Variants in RBMS1 observed in about 807,000 individuals in gnomAD.
The protein encoded by RBMS1 is RNA-binding motif, single-stranded-interacting protein 1.
RBMS1 carries 17 observed loss-of-function variants against 62.3 expected under a neutral mutation model. That is an observed-to-expected ratio of 0.27 (90% CI 0.19 to 0.41). The LOEUF (loss-of-function observed/expected upper bound fraction) is 0.41. Ranked by LOEUF, RBMS1 falls within the 10% of genes least tolerant of loss-of-function variation. The probability of loss-of-function intolerance (pLI) is 1.00; values close to 1 mark genes in which losing one functional copy is unlikely to be tolerated. For synonymous variants in RBMS1, 172 were observed against 170.0 expected, an observed-to-expected ratio of 1.01 and a Z score of -0.09; for missense variants, 334 against 504.5, an observed-to-expected ratio of 0.66 and a Z score of 3.24.
chr2:160,465,865 T>C (rs11694637), intron 1 of RBMS1, among the ~76,000 whole-genome samples: 3,259 of 146,604 alleles, frequency 0.022, 62 homozygotes, highest in African/African-American at 0.04. Flanking sequence ...CACACACACA[T>C]ACACACACAC....
At chr2:160,326,669 G>A (rs1487435284) in intron 2 of RBMS1, among the ~76,000 whole-genome samples, 1 of 152,150 alleles carries the variant, frequency 6.6e-6, no homozygotes, top group East Asian at 1.9e-4. Context: ...TTAGCAGAGA[G>A]AGATGCCACA....
At chr2:160,370,074 T>C (rs752279682) in intron 1 of RBMS1, among the ~76,000 whole-genome samples, 2 of 152,104 alleles carry the variant, frequency 1.3e-5, no homozygotes, top group Non-Finnish European at 2.9e-5. Context: ...CTGTTAAGTT[T>C]CCCCTGTGAG....
intron 1 of RBMS1, among the ~76,000 whole-genome samples, chr2:160,439,821 GGCT>G (rs1431794457): frequency 3.9e-5 from 6 of 152,228 alleles, no homozygotes; most frequent in Non-Finnish European, 8.8e-5. Flanking sequence ...GGGAGGCCGA[GGCT>G]GGCGGATCAC....
intron 1 of RBMS1, among the ~76,000 whole-genome samples, chr2:160,431,077 G>A (rs1357742369): frequency 2.7e-5 from 4 of 148,988 alleles, no homozygotes; most frequent in Non-Finnish European, 6.0e-5. Context: ...GGAGTTGTGT[G>A]TGGCAGGAGG....
At chr2:160,393,321 T>C (rs752550168) in intron 1 of RBMS1, among the ~76,000 whole-genome samples, 2 of 152,226 alleles carry the variant, frequency 1.3e-5, no homozygotes, top group East Asian at 1.9e-4. Context: ...TTCTAACTTA[T>C]ATAGTTATTT....
intron 1 of RBMS1, among the ~76,000 whole-genome samples, chr2:160,371,461 C>T (rs1192647695): frequency 1.3e-5 from 2 of 152,212 alleles, no homozygotes; most frequent in Non-Finnish European, 2.9e-5. Flanking sequence ...CTAGTAGTCT[C>T]TCAGCCTTCT....
chr2:160,375,020 T>G (rs1215575690), intron 1 of RBMS1, among the ~76,000 whole-genome samples: 2 of 152,132 alleles, frequency 1.3e-5, no homozygotes, highest in African/African-American at 2.4e-5. Context: ...GGAATGAGTA[T>G]TATCCCTGGA....
At chr2:160,426,214 GACAGA>G (rs1314892487) in intron 1 of RBMS1, among the ~76,000 whole-genome samples, 1 of 112,354 alleles carries the variant, frequency 8.9e-6, no homozygotes, top group Non-Finnish European at 1.9e-5. Context: ...AAGAGAGAGA[GACAGA>G]AGAAAGAAAG....
chr2:160,385,178 T>C (rs1694501782), intron 1 of RBMS1, among the ~76,000 whole-genome samples: 1 of 152,154 alleles, frequency 6.6e-6, no homozygotes, highest in Admixed American at 6.5e-5. Flanking sequence ...TGGATATTTC[T>C]TTATAGAACC....
rs575891894 is a variant in RBMS1 at position 160,407,809 on chromosome 2, C to A, written c.76-40418G>T. The A allele has an allele frequency of 1.2e-5, 12 of 981,188 alleles. No homozygotes were observed. In the African/African-American group the frequency reaches 1.8e-4, roughly 14 times the overall value. The allele number at this position is 981,188 out of a possible 1,614,324, so 60.8% of individuals were successfully genotyped here. ...GCCCTGCGTGCCATGGACGGGAGTT[C>A]GCGCGCGGAGCTGGCGGCGTCGCCG... On this transcript the variant is annotated intron_variant, in intron 1 of 13. Coordinates refer to ENST00000348849, the MANE Select transcript of RBMS1 (RefSeq NM_016836.4).
rs1559621722 is a variant in RBMS1, at chr2:160,493,572, T to TCC, written c.-210_-209insGG. On this transcript the variant is annotated 5_prime_UTR_variant, in exon 1 of 14. Coordinates refer to ENST00000348849, the MANE Select transcript of RBMS1 (RefSeq NM_016836.4). ...CCTCCTCCTCCTCCTCCTCCTCCTC[T>TCC]TCCTCCTCCTCCTCCTCCTCCCAGG... 3.1e-5 allele frequency: 13 copies of TCC among 422,522 alleles called. No homozygotes were observed. The highest frequency in any genetic ancestry group is 4.6e-5 in the Non-Finnish European group (11 of 238,738). 26.2% of individuals were successfully genotyped at this position (422,522 alleles called of 1,614,324 possible).
intron 1 of RBMS1, among the ~76,000 whole-genome samples, chr2:160,390,662 C>T (rs1054057494): frequency 6.9e-6 from 1 of 145,456 alleles, no homozygotes; most frequent in Admixed American, 7.1e-5. Flanking sequence ...TGCCACTGCA[C>T]TCCAGCCTGG....
chr2:160,473,202 A>T (rs947700798), intron 1 of RBMS1, among the ~76,000 whole-genome samples: 3 of 152,210 alleles, frequency 2.0e-5, no homozygotes, highest in Admixed American at 1.3e-4. Context: ...AACTCAGCCT[A>T]ATGTTGCGCT....
intron 6 of RBMS1, among the ~76,000 whole-genome samples, chr2:160,289,760 A>C (rs1202479182): frequency 6.6e-6 from 1 of 152,110 alleles, no homozygotes; most frequent in Non-Finnish European, 1.5e-5. Flanking sequence ...TTTGATGCAG[A>C]AACAGCTGTA....
chr2:160,471,044 T>C (rs1399315104), intron 1 of RBMS1, among the ~76,000 whole-genome samples: 1 of 152,136 alleles, frequency 6.6e-6, no homozygotes, highest in African/African-American at 2.4e-5. Flanking sequence ...GTGGGAAAAG[T>C]GGGACAGAAA....
chr2:160,316,567 T>G (rs757292971), intron 3 of RBMS1, among the ~76,000 whole-genome samples: 24 of 152,208 alleles, frequency 1.6e-4, no homozygotes, highest in Non-Finnish European at 2.8e-4. Flanking sequence ...TACCCATACC[T>G]TTTCTAGATC....
intron 1 of RBMS1, among the ~76,000 whole-genome samples, chr2:160,418,992 C>T (rs1431121823): frequency 2.6e-5 from 4 of 152,084 alleles, no homozygotes; most frequent in Non-Finnish European, 5.9e-5. Flanking sequence ...TGTTATTATT[C>T]TATAAAGTTA....
intron 1 of RBMS1, among the ~76,000 whole-genome samples, chr2:160,452,883 G>A (rs1256394178): frequency 2.6e-5 from 4 of 152,114 alleles, no homozygotes; most frequent in Non-Finnish European, 5.9e-5. Context: ...CACATTACAG[G>A]GACTCCAGAC....
intron 1 of RBMS1, among the ~76,000 whole-genome samples, chr2:160,372,849 G>A (rs1393191799): frequency 1.3e-5 from 2 of 152,086 alleles, no homozygotes; most frequent in Non-Finnish European, 2.9e-5. Flanking sequence ...CCTATGGATA[G>A]GTCAGAGAAG....
Sources: allele counts gnomAD v4.1 joint callset (sites outside exome capture counted in the v4.1 genomes callset), GRCh38; gene constraint gnomAD v4.1.1; transcripts MANE v1.5; gene names NCBI Gene and HGNC (gene_info 2026-07-23, HGNC 2026-07-21).